The following MROH1 variants were observed in gnomAD, a reference collection of about 807,000 sequenced individuals.
The protein encoded by MROH1 is maestro heat-like repeat-containing protein family member 1.
In MROH1, 117 loss-of-function variants were observed where a neutral mutation model predicts 116.5. The observed-to-expected ratio is 1.00, with a 90% confidence interval of 0.86 to 1.17. MROH1 has a LOEUF of 1.17. Among genes scored for constraint, MROH1 ranks in the 50% most tolerant of loss-of-function variants. The pLI, the probability that MROH1 is intolerant of heterozygous loss-of-function variation, is 0.00. For synonymous variants in MROH1, 921 were observed against 583.9 expected (o/e 1.58, Z -8.32); for missense variants, 1,873 against 1,338.5 (o/e 1.40, Z -6.23).
At chr8:144,258,545 C>G (rs949896577) in intron 35 of MROH1, among the ~76,000 whole-genome samples, 1 of 152,222 alleles carries the variant, frequency 6.6e-6, no homozygotes, top group African/African-American at 2.4e-5. Flanking sequence ...TGGCCACAGG[C>G]TGACCTTGCT....
intron 12 of MROH1, among the ~76,000 whole-genome samples, chr8:144,203,532 C>G (rs900310103): frequency 2.3e-5 from 3 of 128,678 alleles, no homozygotes; most frequent in Non-Finnish European, 3.3e-5. Flanking sequence ...TGGAGTGGCC[C>G]GGAGAGGAGC....
Position 144,180,207 on chromosome 8 carries a change from G to A in MROH1, c.330G>A (p.Ala110=), listed in dbSNP as rs762470476. The A allele has an allele frequency of 2.2e-5, 35 of 1,613,730 alleles. No individual in the cohort carries two copies. The highest frequency in any genetic ancestry group is 2.1e-4 in the African/African-American group (16 of 74,910). ...TGGTCTGGGACTGGCAGCAGGCGGC[G>A]AGTGGCGTCCTGGTGGCCGTGGGAA... ...KDLVWDWQQA[A]SGVLVAVGRQ... is the part of the protein sequence containing the mutation. The change falls in exon 6 of 44, where the codon GCG becomes GCA. Residue 110 remains alanine, a synonymous_variant. Coordinates refer to ENST00000326134, the MANE Select transcript of MROH1 (RefSeq NM_032450.3). This position sits in a 1 kb window ranked among gnomAD's most constrained non-coding sequence, Gnocchi z 7.4.
intron 4 of MROH1, among the ~76,000 whole-genome samples, chr8:144,177,194 G>A (rs1824216130): frequency 6.6e-6 from 1 of 152,242 alleles, no homozygotes; most frequent in South Asian, 2.1e-4. Flanking sequence ...CAGAGTGGCA[G>A]TGAGCAAGTC....
At chr8:144,196,851 C>T (rs1830012749) in intron 10 of MROH1, among the ~76,000 whole-genome samples, 1 of 45,446 alleles carries the variant, frequency 2.2e-5, no homozygotes, top group South Asian at 1.2e-3. Flanking sequence ...AATCCCAGCA[C>T]TTTGGGAGAC....
chr8:144,208,133 A>G (rs1833267628), intron 12 of MROH1, among the ~76,000 whole-genome samples: 1 of 152,050 alleles, frequency 6.6e-6, no homozygotes, highest in African/African-American at 2.4e-5. Flanking sequence ...TAGTAGAGAC[A>G]GGATTTTGCC....
chr8:144,156,455 C>A (rs1818111120), intron 1 of MROH1, among the ~76,000 whole-genome samples: 1 of 151,620 alleles, frequency 6.6e-6, no homozygotes, highest in South Asian at 2.1e-4. Context: ...ACCTATAATC[C>A]CAGCACTTTG....
chr8:144,189,374 C>T (rs1348207047), intron 7 of MROH1, among the ~76,000 whole-genome samples: 2 of 152,212 alleles, frequency 1.3e-5, no homozygotes, highest in Admixed American at 1.3e-4. Flanking sequence ...AAGGTGCTGG[C>T]CTCAGTTTAT....
chr8:144,249,993 C>T (rs1465232011), intron 32 of MROH1, among the ~76,000 whole-genome samples: 1 of 152,220 alleles, frequency 6.6e-6, no homozygotes, highest in East Asian at 1.9e-4. Flanking sequence ...GGGCACTGGC[C>T]ACTTTGCACG....
At chr8:144,210,823 GT>G (rs1431755451) in intron 12 of MROH1, among the ~76,000 whole-genome samples, 8 of 152,088 alleles carry the variant, frequency 5.3e-5, no homozygotes, top group African/African-American at 1.2e-4. Flanking sequence ...TATTTTTAGT[GT>G]GGTAAAATAC....
chr8:144,157,677 C>CTT (rs1164415639), intron 1 of MROH1, among the ~76,000 whole-genome samples: 32 of 117,920 alleles, frequency 2.7e-4, no homozygotes, highest in South Asian at 8.1e-4. Context: ...TTCTTTCTTT[C>CTT]TTTTTTTTTT....
intron 10 of MROH1, among the ~76,000 whole-genome samples, chr8:144,198,491 C>G (rs1260765206): frequency 6.6e-6 from 1 of 152,184 alleles, no homozygotes; most frequent in African/African-American, 2.4e-5. Context: ...CATTACAGCT[C>G]ACTGTAGCCT....
At chr8:144,234,467 A>T (rs1237699268) in intron 14 of MROH1, among the ~76,000 whole-genome samples, 4 of 68,454 alleles carry the variant, frequency 5.8e-5, no homozygotes, top group African/African-American at 2.0e-4. Flanking sequence ...TTTTGATGCT[A>T]TTGTAAATGG....
rs1844943530 is a variant in MROH1 at position 144,261,050 on chromosome 8, T to C, written c.4671+9T>C. On this transcript the variant is annotated intron_variant, in intron 41 of 43. Coordinates refer to ENST00000326134, the MANE Select transcript of MROH1 (RefSeq NM_032450.3). Reference sequence around the variant, plus strand: ...CCACCTGCAAGCACCTGGTGAGGGGTGGGGCCAGGCGGGGCGTGGTGGGTG... The same window carrying C: ...CCACCTGCAAGCACCTGGTGAGGGGCGGGGCCAGGCGGGGCGTGGTGGGTG... 4 of 153,418 alleles carry C rather than the reference T, an allele frequency of 2.6e-5. No individual in the cohort carries two copies. The highest frequency in any genetic ancestry group is 1.3e-4 in the African/African-American group (1 of 7,910). 9.5% of individuals were successfully genotyped at this position (153,418 alleles called of 1,614,324 possible).
intron 4 of MROH1, among the ~76,000 whole-genome samples, chr8:144,173,423 ATTTTATTT>A (rs1823001786): frequency 1.8e-4 from 2 of 10,882 alleles, no homozygotes; most frequent in African/African-American, 2.5e-4. Flanking sequence ...TTTTATTTTT[ATTTTATTT>A]TTTTTTTTTT....
At chr8:144,244,832 G>A (rs1387341424) in intron 28 of MROH1, among the ~76,000 whole-genome samples, 1 of 152,192 alleles carries the variant, frequency 6.6e-6, no homozygotes, top group Non-Finnish European at 1.5e-5. Context: ...CGCTACCAGG[G>A]TGGTGCTAGG....
At chr8:144,217,213 G>A (rs970511962) in intron 12 of MROH1, among the ~76,000 whole-genome samples, 1 of 152,106 alleles carries the variant, frequency 6.6e-6, no homozygotes, top group South Asian at 2.1e-4. Context: ...GAGTGACAGG[G>A]GTGGCAGACA....
rs759515619 is a variant in MROH1 at position 144,180,439 on chromosome 8, C to G, written c.478C>G (p.Pro160Ala). Reference protein sequence around the residue: ...LSVANAFGVVPFLPSVLSSLL... With the variant: ...LSVANAFGVVAFLPSVLSSLL... ...CTCTCTCACAGCGTTCGGCGTAGTC[C>G]CCTTCCTGCCATCCGTCCTGAGCTC... is the stretch of plus-strand genomic sequence containing the variant. Residue 160 changes from proline to alanine, a missense_variant, in exon 7 of 44, where the codon CCC (proline) becomes GCC (alanine). Coordinates refer to ENST00000326134, the MANE Select transcript of MROH1 (RefSeq NM_032450.3). The surrounding 1 kb of genome is among the most constrained non-coding windows in gnomAD (Gnocchi z 7.4). The G allele has an allele frequency of 6.2e-7, 1 of 1,613,178 alleles. No homozygotes were observed.
intron 4 of MROH1, among the ~76,000 whole-genome samples, chr8:144,169,371 C>A (rs556725101): frequency 2.7e-4 from 41 of 152,198 alleles, no homozygotes; most frequent in Admixed American, 4.6e-4. Context: ...CTTCCTGGGG[C>A]AGGGTCTCTC....
At position 144,255,712 on chromosome 8, in the gene MROH1, G is replaced by C; in HGVS notation, c.3791+7G>C. Reference sequence around the variant, plus strand: ...GGAACCTGGAACCCTGCAGGTATCTGGGTCCCCACTTCCCACCTCCAGTAC... The same window carrying C: ...GGAACCTGGAACCCTGCAGGTATCTCGGTCCCCACTTCCCACCTCCAGTAC... On this transcript the variant is annotated splice_region_variant and intron_variant, in intron 35 of 43. Transcript: ENST00000326134. The C allele has an allele frequency of 1.3e-6, 1 of 749,084 alleles. No homozygotes were observed. 46.4% of individuals were successfully genotyped at this position (749,084 alleles called of 1,614,324 possible). A position where few individuals can be genotyped will look rare whatever the true frequency, so the allele number is the denominator to read the frequency against.
Sources: gnomAD v4.1 joint callset for allele counts (sites outside exome capture counted in the v4.1 genomes callset) on GRCh38, gnomAD v4.1.1 for gene constraint, Gnocchi (gnomAD v3.1) non-coding constraint, MANE v1.5 for transcripts, NCBI Gene and HGNC (gene_info 2026-07-23, HGNC 2026-07-21) for gene names.